Variants in STAG2 observed in about 807,000 individuals in gnomAD.
The protein encoded by STAG2 is STAG2 cohesin complex component.
In STAG2, 14 loss-of-function variants were observed where a neutral mutation model predicts 108.1. That is an observed-to-expected ratio of 0.13 (90% CI 0.09 to 0.20). STAG2 has a LOEUF of 0.20. Among genes scored for constraint, STAG2 ranks in the 10% least tolerant of loss-of-function variants. The pLI, the probability that STAG2 is intolerant of heterozygous loss-of-function variation, is 1.00. For synonymous variants in STAG2, 307 were observed against 302.7 expected (o/e 1.01, Z -0.15); for missense variants, 440 against 940.9 (o/e 0.47, Z 6.96).
chrX:124,016,143 G>GT (rs1422732416), intron 1 of STAG2, among the ~76,000 whole-genome samples: 47 of 107,857 alleles, frequency 4.4e-4, no homozygotes, highest in African/African-American at 9.7e-4. Context: ...TTTTTAAACA[G>GT]TTTTTTTTTT....
At chrX:124,022,768 A>G (rs2056973465) in intron 3 of STAG2, 97 bp downstream of exon 3, 1 of 527,877 alleles carries the variant, frequency 1.9e-6, no homozygotes, top group Middle Eastern at 3.9e-4. Flanking sequence ...GCTCGAGAAG[A>G]TCTAATATAT....
intron 1 of STAG2, among the ~76,000 whole-genome samples, chrX:123,990,905 C>G (rs1467141193): frequency 6.3e-5 from 7 of 111,719 alleles, no homozygotes; most frequent in East Asian, 2.8e-4. Flanking sequence ...TTCCTGTACC[C>G]ACTTGCCAGC....
chrX:123,984,958 TATAA>T (rs1194131147), intron 1 of STAG2, among the ~76,000 whole-genome samples: 1 of 111,858 alleles, frequency 8.9e-6, no homozygotes, highest in Non-Finnish European at 1.9e-5. Flanking sequence ...TTAAAATATT[TATAA>T]ATAAATAAAT....
intron 32 of STAG2, among the ~76,000 whole-genome samples, chrX:124,091,582 T>C (rs2059252159): frequency 8.9e-6 from 1 of 112,314 alleles, no homozygotes. Flanking sequence ...GCTGGTAAAA[T>C]CATCATAAAA....
At chrX:124,010,119 T>G (rs1389060819) in intron 1 of STAG2, among the ~76,000 whole-genome samples, 1 of 111,551 alleles carries the variant, frequency 9.0e-6, no homozygotes, top group Non-Finnish European at 1.9e-5. Context: ...TAAAAGAGGT[T>G]TCAAATTTAA....
rs147944243 is a variant in STAG2, at chrX:124,092,794, T to A, written c.3579-1224T>A. Among the ~76,000 whole-genome samples, 420 of 112,230 alleles carry A rather than the reference T, an allele frequency of 3.7e-3. 1 individual carries two copies. Among genetic ancestry groups the A allele is most frequent in the African/African-American group, 0.013 (391 of 30,913 alleles). ...TACTTCAAACAAAATGCAGAACGGCTTTCTGATTTTCTGTCACATAGTTCA... is the reference window on the plus strand; with the variant it reads ...TACTTCAAACAAAATGCAGAACGGCATTCTGATTTTCTGTCACATAGTTCA... On this transcript the variant is annotated intron_variant, in intron 32 of 34. Transcript: ENST00000371145.
chrX:123,976,112 A>G (rs1322686862), intron 1 of STAG2, among the ~76,000 whole-genome samples: 1 of 111,438 alleles, frequency 9.0e-6, no homozygotes, highest in East Asian at 2.8e-4. Context: ...TGTCTCTACC[A>G]AAAATTCAAA....
At chrX:124,012,533 A>G (rs191361284) in intron 1 of STAG2, among the ~76,000 whole-genome samples, 1 of 112,034 alleles carries the variant, frequency 8.9e-6, no homozygotes, top group East Asian at 2.8e-4. Flanking sequence ...ATTCAAGCCT[A>G]TGAATTGTGT....
At chrX:124,086,113 A>C (rs1056394283) in intron 29 of STAG2, among the ~76,000 whole-genome samples, 1 of 104,229 alleles carries the variant, frequency 9.6e-6, no homozygotes, top group Non-Finnish European at 2.0e-5. Context: ...AATTGGGAAA[A>C]CATTTCCCTC....
intron 1 of STAG2, among the ~76,000 whole-genome samples, chrX:123,982,127 G>A (rs149594191): frequency 0.017 from 1,771 of 105,759 alleles, 48 homozygotes; most frequent in African/African-American, 0.058. Context: ...GATTGCTTGA[G>A]GCTAGGAGTT....
Position 124,100,882 on chromosome X carries a change from T to A in STAG2, c.*285T>A. 4.8e-6 allele frequency: 1 copy of A among 206,962 alleles called. No individual in the cohort carries two copies. The highest frequency in any genetic ancestry group is 2.8e-4 in the South Asian group (1 of 3,548). 17.1% of individuals were successfully genotyped at this position (206,962 alleles called of 1,213,427 possible). A position where few individuals can be genotyped will look rare whatever the true frequency, so the allele number is the denominator to read the frequency against. On this transcript the variant is annotated 3_prime_UTR_variant, in exon 35 of 35. Coordinates refer to ENST00000371145, the MANE Select transcript of STAG2 (RefSeq NM_001042750.2). Reference sequence around the variant, plus strand: ...TGAATCGATTATTTCATGCTTTTTTTTAAAAAAAAAAAAAAACAAAATAAC... The same window carrying A: ...TGAATCGATTATTTCATGCTTTTTTATAAAAAAAAAAAAAAACAAAATAAC...
Position 123,999,910 on chromosome X carries a change from G to A in STAG2, c.-162-21457G>A, listed in dbSNP as rs762633698. ...ATTACAGCTGTGAGCCACCCTGCCC[G>A]GCCATAGTTTTTTTTTTTTTTTATT... On this transcript the variant is annotated intron_variant, in intron 1 of 34. Transcript: ENST00000371145. 1.2e-4 allele frequency among the ~76,000 whole-genome samples: 13 copies of A among 108,921 alleles called. No individual in the cohort carries two copies. In the East Asian group the frequency reaches 2.9e-3, roughly 24 times the overall value. The allele number at this position is 108,921 out of a possible 115,157, so 94.6% of individuals were successfully genotyped here.
upstream of STAG2, chrX:123,961,072 T>G (rs2053826041): frequency 9.0e-6 from 1 of 111,064 alleles, no homozygotes; most frequent in Non-Finnish European, 1.9e-5. Flanking sequence ...GGGGGCAGAG[T>G]CCAGGCGGGA....
intron 25 of STAG2, among the ~76,000 whole-genome samples, chrX:124,073,277 AC>A (rs1216923608): frequency 9.0e-6 from 1 of 111,695 alleles, no homozygotes; most frequent in African/African-American, 3.3e-5. Context: ...TTAGTACATA[AC>A]CGTTTTGTTA....
At chrX:124,045,459 A>AATTACAT in intron 8 of STAG2, 91 bp downstream of exon 8, 1 of 829,236 alleles carries the variant, frequency 1.2e-6, no homozygotes, top group Non-Finnish European at 1.7e-6. Context: ...CAGAGATACA[A>AATTACAT]ATTAATTTTA....
intron 4 of STAG2, among the ~76,000 whole-genome samples, chrX:124,028,823 T>TATATATATATA (rs1491294090): frequency 9.9e-5 from 5 of 50,601 alleles, no homozygotes; most frequent in African/African-American, 3.1e-4. Context: ...TATATATATA[T>TATATATATATA]TTTTTTTTTT....
intron 1 of STAG2, among the ~76,000 whole-genome samples, chrX:123,993,699 C>G (rs1233006736): frequency 9.0e-6 from 1 of 111,419 alleles, no homozygotes; most frequent in Non-Finnish European, 1.9e-5. Flanking sequence ...AATAGCTTTT[C>G]TTAAAGTGGA....
At chrX:124,063,328 C>T in intron 19 of STAG2, 123 bp downstream of exon 19, 1 of 513,438 alleles carries the variant, frequency 1.9e-6, no homozygotes, top group Non-Finnish European at 3.1e-6. Flanking sequence ...AAACCTATAG[C>T]TTAGGTCTTC....
chrX:124,078,164 A>T, intron 27 of STAG2, 106 bp downstream of exon 27: 1 of 547,893 alleles, frequency 1.8e-6, no homozygotes. Context: ...GCAATTTATA[A>T]AAGTAGAAAT....
Sources: allele counts gnomAD v4.1 joint callset (sites outside exome capture counted in the v4.1 genomes callset), GRCh38; gene constraint gnomAD v4.1.1; transcripts MANE v1.5; gene names NCBI Gene and HGNC (gene_info 2026-07-23, HGNC 2026-07-21).